The following ZNF107 variants were observed in gnomAD, a reference collection of about 807,000 sequenced individuals.
ZNF107 encodes the protein zinc finger protein 107, also known as C2H2 type zinc-finger protein.
ZNF107 carries 19 observed loss-of-function variants against 12.3 expected under a neutral mutation model. The ratio of observed to expected loss-of-function variants is 1.55; its 90% CI spans 1.08 to 2.27. The LOEUF is 2.27. Ranked by LOEUF, ZNF107 falls within the 30% of genes most tolerant of loss-of-function variation. The probability of loss-of-function intolerance (pLI) is 0.00; values close to 1 mark genes in which losing one functional copy is unlikely to be tolerated. For missense variants in ZNF107, 958 were observed against 979.9 expected, an observed-to-expected ratio of 0.98 and a Z score of 0.30; for synonymous variants, 317 against 330.5, an observed-to-expected ratio of 0.96 and a Z score of 0.44.
At chr7:64,697,431 C>G (rs1299395999) in intron 3 of ZNF107, among the ~76,000 whole-genome samples, 2 of 152,188 alleles carry the variant, frequency 1.3e-5, no homozygotes, top group Non-Finnish European at 2.9e-5. Flanking sequence ...CACAGTCCCA[C>G]CAACAGTGTA....
intron 1 of ZNF107, among the ~76,000 whole-genome samples, chr7:64,668,070 G>A (rs10085911): frequency 0.92 from 139,461 of 152,092 alleles, 63,988 homozygotes; most frequent in East Asian, 0.94. Flanking sequence ...GTGGTCATTG[G>A]GCACTTAAAT....
chr7:64,678,524 A>G (rs1162229771), intron 1 of ZNF107, among the ~76,000 whole-genome samples: 2 of 152,204 alleles, frequency 1.3e-5, no homozygotes, highest in Non-Finnish European at 2.9e-5. Context: ...ACACTAGTAT[A>G]AATGTAAGGC....
At chr7:64,705,459 TTA>T (rs1230465387) in intron 3 of ZNF107, among the ~76,000 whole-genome samples, 1 of 152,124 alleles carries the variant, frequency 6.6e-6, no homozygotes. Context: ...TTGTACATTT[TTA>T]TTTTTTAATG....
intron 3 of ZNF107, among the ~76,000 whole-genome samples, chr7:64,697,816 C>T (rs914292765): frequency 6.6e-6 from 1 of 151,808 alleles, no homozygotes; most frequent in Admixed American, 6.6e-5. Flanking sequence ...TCAGCCTCTC[C>T]GAGTAGCTGG....
chr7:64,699,804 C>G (rs568992661), intron 3 of ZNF107, among the ~76,000 whole-genome samples: 1 of 152,094 alleles, frequency 6.6e-6, no homozygotes, highest in African/African-American at 2.4e-5. Context: ...CGTGGTGGCT[C>G]ACGCCTGTAA....
rs775278147 is a variant in ZNF107 at position 64,708,706 on chromosome 7, C to T, written c.*50C>T. 9.4e-5 allele frequency: 143 copies of T among 1,520,710 alleles called. 1 individual carries two copies. The South Asian group carries it at 1.6e-3, about 17-fold the overall frequency. The allele number at this position is 1,520,710 out of a possible 1,614,324, so 94.2% of individuals were successfully genotyped here. ...TAGGAAAATTCATACTGGAGAGAAA[C>T]TACAAATGTGAAGAATGTGTTAAAG... is the stretch of plus-strand genomic sequence containing the variant. On this transcript the variant is annotated 3_prime_UTR_variant, in exon 4 of 4. Coordinates refer to ENST00000620827, the MANE Select transcript of ZNF107 (RefSeq NM_001282359.2).
At chr7:64,672,857 A>G (rs1789285406) in intron 1 of ZNF107, among the ~76,000 whole-genome samples, 1 of 152,136 alleles carries the variant, frequency 6.6e-6, no homozygotes, top group African/African-American at 2.4e-5. Flanking sequence ...TTCTGTGAGG[A>G]ATCACCACAC....
Position 64,706,378 on chromosome 7 carries a change from C to A in ZNF107, c.281C>A (p.Ser94Tyr). The A allele has an allele frequency of 4.3e-6, 7 of 1,609,398 alleles. No homozygotes were observed. The highest frequency in any genetic ancestry group is 5.9e-6 in the Non-Finnish European group (7 of 1,177,440). ...DLWPEQNIKD[S>Y]FQKVTLRRYG... The stretch of plus-strand genomic sequence containing the variant: ...TGGCCAGAGCAGAACATAAAAGATT[C>A]TTTCCAGAAAGTGACACTGAGAAGA... The change falls in exon 4 of 4, where the codon TCT becomes TAT. Residue 94 changes from serine to tyrosine, a missense_variant. Physicochemically the swap from Ser to Tyr is moderately radical, Grantham distance 144. Coordinates refer to ENST00000620827, the MANE Select transcript of ZNF107 (RefSeq NM_001282359.2).
rs756615675 is a variant in ZNF107, at chr7:64,707,179, A to G, written c.1082A>G (p.Lys361Arg). 14 of 1,613,596 alleles carry G rather than the reference A, an allele frequency of 8.7e-6. No homozygotes were observed. Among genetic ancestry groups the G allele is most frequent in the Non-Finnish European group, 1.2e-5 (14 of 1,179,778 alleles). The change falls in exon 4 of 4, where the codon AAA becomes AGA. Residue 361 changes from lysine to arginine, a missense_variant. Coordinates refer to ENST00000620827, the MANE Select transcript of ZNF107 (RefSeq NM_001282359.2). ...TCCTCAAACCTTAATAAACAGGAGA[A>G]AATTCATACTGGAGGGAAACTCAAC... ...NISSNLNKQE[K>R]IHTGGKLNKC...
rs1326155576 is a variant in ZNF107, at chr7:64,707,251, C to T, written c.1154C>T (p.Thr385Ile). Reference sequence around the variant, plus strand: ...GCTTTTAACCGATCCTTAAAACTTACTGCACATAAGAAAATTCTAATGGAA... The same window carrying T: ...GCTTTTAACCGATCCTTAAAACTTATTGCACATAAGAAAATTCTAATGGAA... ...DKAFNRSLKL[T>I]AHKKILMEEK... The change falls in exon 4 of 4, where the codon ACT (threonine) becomes ATT (isoleucine). Residue 385 changes from threonine (T) to isoleucine (I), a missense_variant. Physicochemically the swap from Thr to Ile is moderately conservative, Grantham distance 89. Coordinates refer to ENST00000620827, the MANE Select transcript of ZNF107 (RefSeq NM_001282359.2). 5 of 1,613,026 alleles carry T rather than the reference C, an allele frequency of 3.1e-6. No homozygotes were observed. The highest frequency in any genetic ancestry group is 1.1e-5 in the South Asian group (1 of 90,994).
At position 64,707,429 on chromosome 7, in the gene ZNF107, GA is replaced by G; in HGVS notation, c.1336del (p.Ile446PhefsTer23). The G allele has an allele frequency of 6.2e-7, 1 of 1,613,186 alleles. No individual in the cohort carries two copies. The highest frequency in any genetic ancestry group is 8.5e-7 in the Non-Finnish European group (1 of 1,179,614). On this transcript the variant is annotated frameshift_variant, in exon 4 of 4. Coordinates refer to ENST00000620827, the MANE Select transcript of ZNF107 (RefSeq NM_001282359.2). LOFTEE classifies it low-confidence loss of function (END_TRUNC). ...AATCTTCAAACCTTACTGAACATAA[GA>G]AAATTCATACTGCAGAGAAATCCTA... is the stretch of plus-strand genomic sequence containing the variant. The part of the protein sequence containing the change: ...NQSSNLTEHK[K>X]IHTAEKSYKC...
At chr7:64,685,057 C>T (rs1789848776) in intron 1 of ZNF107, among the ~76,000 whole-genome samples, 1 of 152,206 alleles carries the variant, frequency 6.6e-6, no homozygotes, top group Non-Finnish European at 1.5e-5. Context: ...CTAACTCCTA[C>T]ATATGCAGTC....
In ZNF107 at chr7:64,679,228, T is replaced by C. The variant is rs529105570; in HGVS notation, c.4-12020T>C. ...TGAAATCCGGGATAGGGGAACTCCT[T>C]TGGGAGTCGTGTCCCTTAACCCCTT... On this transcript the variant is annotated intron_variant, in intron 1 of 3. Coordinates refer to ENST00000620827, the MANE Select transcript of ZNF107 (RefSeq NM_001282359.2). 1.7e-5 allele frequency: 17 copies of C among 984,994 alleles called. No homozygotes were observed. In the South Asian group the frequency reaches 6.1e-4, roughly 35 times the overall value. The allele number at this position is 984,994 out of a possible 1,614,324, so 61.0% of individuals were successfully genotyped here.
intron 3 of ZNF107, among the ~76,000 whole-genome samples, chr7:64,692,946 G>A (rs1474304152): frequency 6.6e-6 from 1 of 151,844 alleles, no homozygotes; most frequent in Non-Finnish European, 1.5e-5. Flanking sequence ...TCTGCAACCA[G>A]CAACTTTTTA....
chr7:64,669,333 T>C (rs1008647177), intron 1 of ZNF107, among the ~76,000 whole-genome samples: 4 of 152,058 alleles, frequency 2.6e-5, no homozygotes, highest in Non-Finnish European at 5.9e-5. Context: ...TTTTATGAGA[T>C]GAAAGTTGGT....
chr7:64,707,546 T>G lies in ZNF107; in HGVS notation c.1449T>G (p.Cys483Trp). ...ATTCTGGAGAGAAACCATACAAATG[T>G]GAAGAATGTGGAAAAGCTTTTAATC... ...KIYSGEKPYKCEECGKAFNRS... is the reference protein window; with the variant it reads ...KIYSGEKPYKWEECGKAFNRS... The change falls in exon 4 of 4, where the codon TGT (cysteine) becomes TGG (tryptophan). Residue 483 changes from cysteine to tryptophan, a missense_variant. Transcript: ENST00000620827. 1 of 1,613,222 alleles carries G rather than the reference T, an allele frequency of 6.2e-7. No individual in the cohort carries two copies. Among genetic ancestry groups the G allele is most frequent in the South Asian group, 1.1e-5 (1 of 91,038 alleles).
intron 1 of ZNF107, among the ~76,000 whole-genome samples, chr7:64,678,709 A>C (rs1012449030): frequency 6.6e-6 from 1 of 152,234 alleles, no homozygotes; most frequent in Admixed American, 6.5e-5. Flanking sequence ...AATGTGAAAG[A>C]AAATTTACTA....
intron 1 of ZNF107, among the ~76,000 whole-genome samples, chr7:64,667,464 AG>A (rs35711737): frequency 0.34 from 52,418 of 152,134 alleles, 10,231 homozygotes; most frequent in South Asian, 0.52. Flanking sequence ...TATCTTCCCT[AG>A]GCGCAGAGAT....
At chr7:64,673,259 G>C (rs1476371963) in intron 1 of ZNF107, among the ~76,000 whole-genome samples, 3 of 152,184 alleles carry the variant, frequency 2.0e-5, no homozygotes, top group Non-Finnish European at 4.4e-5. Context: ...GGTCAGGCTG[G>C]TCTCAAACTC....
Sources: gnomAD v4.1 joint callset for allele counts (sites outside exome capture counted in the v4.1 genomes callset) on GRCh38, gnomAD v4.1.1 for gene constraint, MANE v1.5 for transcripts, NCBI Gene and HGNC (gene_info 2026-07-23, HGNC 2026-07-21) for gene names.